The following SAG variants were observed in gnomAD, a reference collection of about 807,000 sequenced individuals.
SAG encodes S-antigen visual arrestin.
A neutral mutation model predicts 55.0 loss-of-function variants in SAG; 45 were observed. The ratio of observed to expected loss-of-function variants is 0.82; its 90% CI spans 0.64 to 1.05. The LOEUF is 1.05. SAG is among the 50% of genes least tolerant of loss of function. The pLI is 0.00. For missense variants in SAG, 455 were observed against 512.1 expected, an observed-to-expected ratio of 0.89 and a Z score of 1.08; for synonymous variants, 189 against 197.4, an observed-to-expected ratio of 0.96 and a Z score of 0.36.
At chr2:233,308,905 C>G (rs545664416) in intron 1 of SAG, among the ~76,000 whole-genome samples, 1 of 152,148 alleles carries the variant, frequency 6.6e-6, no homozygotes, top group Non-Finnish European at 1.5e-5. Context: ...AGCTAGACTC[C>G]CTGGCAAGGT....
At chr2:233,313,818 C>T (rs1230663773) in intron 2 of SAG, among the ~76,000 whole-genome samples, 2 of 149,466 alleles carry the variant, frequency 1.3e-5, no homozygotes, top group Non-Finnish European at 3.0e-5. Context: ...ATCCTTCCCA[C>T]CTTGGTCTCT....
At chr2:233,324,424 G>A (rs1039694668) in intron 6 of SAG, among the ~76,000 whole-genome samples, 2 of 152,112 alleles carry the variant, frequency 1.3e-5, no homozygotes, top group African/African-American at 4.8e-5. Flanking sequence ...AAAAAAAGTG[G>A]GAAGCTGAGG....
At position 233,309,229 on chromosome 2, in the gene SAG, C is replaced by T. The variant is rs1700011907; in HGVS notation, c.40C>T (p.His14Tyr). 1 of 1,613,698 alleles carries T rather than the reference C, an allele frequency of 6.2e-7. No homozygotes were observed. The highest frequency in any genetic ancestry group is 8.5e-7 in the Non-Finnish European group (1 of 1,179,798). Residue 14 changes from histidine to tyrosine, a missense_variant, in exon 2 of 16, where the codon CAT becomes TAT. By Grantham distance (83) the His-to-Tyr change is moderately conservative (BLOSUM62 2). Transcript: ENST00000409110. ...SGKTSKSEPN[H>Y]VIFKKISRDK... The stretch of plus-strand genomic sequence containing the variant: ...GAAGACCAGCAAGTCCGAACCGAAC[C>T]ATGTTATCTTCAAGAAGATCTCCCG...
intron 8 of SAG, 147 bp downstream of exon 8, chr2:233,328,760 G>A (rs1211136489): frequency 1.2e-6 from 1 of 843,878 alleles, no homozygotes; most frequent in Non-Finnish European, 1.8e-6. Flanking sequence ...ATGCGTAAGT[G>A]ACTGGCCTGT....
intron 14 of SAG, chr2:233,342,626 C>CG: frequency 2.7e-6 from 1 of 365,290 alleles, no homozygotes; most frequent in East Asian, 4.9e-5. Flanking sequence ...GCTCTGCTGT[C>CG]AACAGACCTG....
chr2:233,342,834 C>CTACA (rs1411431996), intron 14 of SAG: 1 of 159,138 alleles, frequency 6.3e-6, no homozygotes, highest in African/African-American at 2.4e-5. Flanking sequence ...ATCAAGCTTA[C>CTACA]TACAGCCTCA....
intron 13 of SAG, among the ~76,000 whole-genome samples, chr2:233,341,930 G>A (rs1701116509): frequency 6.6e-6 from 1 of 152,092 alleles, no homozygotes; most frequent in Admixed American, 6.5e-5. Context: ...ACCAGCCTGG[G>A]CAACATGGTG....
At chr2:233,333,686 A>G (rs1700838904) in intron 10 of SAG, 1 of 152,144 alleles carries the variant, frequency 6.6e-6, no homozygotes, top group South Asian at 2.1e-4. Flanking sequence ...TCCTTTGGCA[A>G]GCTCTGCACA....
At chr2:233,330,935 A>G (rs1365767749) in intron 9 of SAG, among the ~76,000 whole-genome samples, 1 of 151,372 alleles carries the variant, frequency 6.6e-6, no homozygotes, top group Non-Finnish European at 1.5e-5. Context: ...ACTTTGGCTG[A>G]GTGCAGTGGT....
chr2:233,320,890 A>G (rs1700362350), intron 5 of SAG, 67 bp downstream of exon 5: 2 of 1,353,830 alleles, frequency 1.5e-6, no homozygotes, highest in Non-Finnish European at 2.0e-6. Flanking sequence ...GATGGGGGCA[A>G]AGGAAAGGGG....
At chr2:233,313,164 C>T (rs147377547) in intron 2 of SAG, among the ~76,000 whole-genome samples, 1 of 152,282 alleles carries the variant, frequency 6.6e-6, no homozygotes. Flanking sequence ...CACCAAAAGC[C>T]AGGGGGTGCT....
In SAG at chr2:233,335,002, A is replaced by G. The variant is rs1191486531; in HGVS notation, c.847A>G (p.Thr283Ala). 1.9e-6 allele frequency: 3 copies of G among 1,613,930 alleles called. No individual in the cohort carries two copies. In the African/African-American group the frequency reaches 4.0e-5, roughly 22 times the overall value. Residue 283 changes from threonine (T) to alanine (A), a missense_variant, in exon 11 of 16, where the codon ACG (threonine) becomes GCG (alanine). Transcript: ENST00000409110. ...PPNSTLTKTLTLLPLLANNRE... is the reference protein window; with the variant it reads ...PPNSTLTKTLALLPLLANNRE... ...AAACAGCACTTTGACCAAGACGCTGACGCTGCTGCCCTTGCTGGCTAACAA... is the reference window on the plus strand; with the variant it reads ...AAACAGCACTTTGACCAAGACGCTGGCGCTGCTGCCCTTGCTGGCTAACAA...
intron 7 of SAG, 41 bp downstream of exon 7, chr2:233,327,238 G>T: frequency 6.5e-7 from 1 of 1,533,890 alleles, no homozygotes; most frequent in Non-Finnish European, 9.0e-7. Flanking sequence ...GTCTGCGGTG[G>T]GGGTGGAGAG....
chr2:233,328,787 T>G, intron 8 of SAG, 174 bp downstream of exon 8: 1 of 653,030 alleles, frequency 1.5e-6, no homozygotes, highest in South Asian at 2.4e-5. Context: ...AGCCTGGAGC[T>G]GGTCAGCATG....
intron 6 of SAG, among the ~76,000 whole-genome samples, chr2:233,325,386 G>T (rs968648879): frequency 1.3e-4 from 20 of 151,552 alleles, no homozygotes; most frequent in African/African-American, 4.6e-4. Context: ...AGAACAAAAT[G>T]GAATGGATTG....
intron 4 of SAG, 38 bp downstream of exon 4, chr2:233,318,833 C>T (rs764151540): frequency 4.1e-5 from 64 of 1,574,714 alleles, no homozygotes; most frequent in Admixed American, 3.8e-4. Flanking sequence ...GGTTTCTGGG[C>T]GGAGTGGACT....
At chr2:233,325,095 G>A (rs527544124) in intron 6 of SAG, among the ~76,000 whole-genome samples, 19 of 151,908 alleles carry the variant, frequency 1.3e-4, no homozygotes, top group African/African-American at 4.1e-4. Context: ...GCATGGTGGC[G>A]CGTGCCTGTA....
In SAG at chr2:233,329,590, T is replaced by A; in HGVS notation, c.733+13T>A. The A allele has an allele frequency of 6.4e-7, 1 of 1,569,412 alleles. No individual in the cohort carries two copies. Among genetic ancestry groups the A allele is most frequent in the Non-Finnish European group, 8.8e-7 (1 of 1,139,542 alleles). ...ATTAAAGCATTCGGTAGGACCTTCT[T>A]CTCAGAAGTAGAGGGCATAGTCTTC... On this transcript the variant is annotated intron_variant, in intron 9 of 15. Transcript: ENST00000409110.
At chr2:233,310,492 C>T (rs954432968) in intron 2 of SAG, among the ~76,000 whole-genome samples, 2 of 148,446 alleles carry the variant, frequency 1.3e-5, no homozygotes, top group South Asian at 2.1e-4. Flanking sequence ...CAGGGTAGCT[C>T]GCCATCATTC....
Sources: gnomAD v4.1 joint callset for allele counts (sites outside exome capture counted in the v4.1 genomes callset) on GRCh38, gnomAD v4.1.1 for gene constraint, MANE v1.5 for transcripts, NCBI Gene and HGNC (gene_info 2026-07-23, HGNC 2026-07-21) for gene names.